The following PTPN1 variants were observed in gnomAD, a reference collection of about 807,000 sequenced individuals.
The protein encoded by PTPN1 is tyrosine-protein phosphatase non-receptor type 1.
Under a neutral mutation model 59.9 loss-of-function variants are expected in PTPN1, and 12 were observed. The ratio of observed to expected loss-of-function variants is 0.20; its 90% confidence interval spans 0.13 to 0.32. The LOEUF (loss-of-function observed/expected upper bound fraction) is 0.32, where lower values mean the gene tolerates loss of function less well. PTPN1 is among the 10% of genes least tolerant of loss of function. The probability of loss-of-function intolerance (pLI) is 1.00; values close to 1 mark genes in which losing one functional copy is unlikely to be tolerated. For synonymous variants in PTPN1, 178 were observed against 203.6 expected (o/e 0.87, Z 1.07); for missense variants, 356 against 549.2 (o/e 0.65, Z 3.52).
chr20:50,554,846 A>G (rs1197206977), intron 1 of PTPN1, among the ~76,000 whole-genome samples: 14 of 152,204 alleles, frequency 9.2e-5, no homozygotes, highest in Admixed American at 2.6e-4. Flanking sequence ...TAGATGCAAA[A>G]AAAGAAAAAC....
intron 3 of PTPN1, among the ~76,000 whole-genome samples, chr20:50,566,005 C>T (rs1385411274): frequency 2.0e-5 from 3 of 152,174 alleles, no homozygotes; most frequent in Non-Finnish European, 4.4e-5. Context: ...CCATTTATGA[C>T]TAAAATCAGC....
chr20:50,537,484 T>C lies in PTPN1; in HGVS notation c.64-23879T>C, dbSNP rs376441198. Among the ~76,000 whole-genome samples, 17 of 152,254 alleles carry C rather than the reference T, an allele frequency of 1.1e-4. No individual in the cohort carries two copies. The East Asian group carries it at 1.5e-3, about 14-fold the overall frequency. On this transcript the variant is annotated intron_variant, in intron 1 of 9. Coordinates refer to ENST00000371621, the MANE Select transcript of PTPN1 (RefSeq NM_002827.4). Reference sequence around the variant, plus strand: ...ACATTGATACAGTCTGCTCATCTTATTCATATTTCCCCAGTGTTACTCGTA... The same window carrying C: ...ACATTGATACAGTCTGCTCATCTTACTCATATTTCCCCAGTGTTACTCGTA...
chr20:50,575,974 G>C (rs1455068056), intron 5 of PTPN1, among the ~76,000 whole-genome samples: 1 of 152,128 alleles, frequency 6.6e-6, no homozygotes, highest in Admixed American at 6.5e-5. Context: ...CTAGAATGTA[G>C]CACAGGTTAC....
At chr20:50,519,093 C>T (rs2082540690) in intron 1 of PTPN1, among the ~76,000 whole-genome samples, 1 of 152,200 alleles carries the variant, frequency 6.6e-6, no homozygotes, top group East Asian at 1.9e-4. Context: ...GGTCTGTTCA[C>T]ACCACAAATA....
intron 1 of PTPN1, among the ~76,000 whole-genome samples, chr20:50,550,951 A>G (rs943451484): frequency 2.0e-5 from 3 of 152,252 alleles, no homozygotes; most frequent in Non-Finnish European, 4.4e-5. Flanking sequence ...TAATATAAAC[A>G]TGGAAATATT....
intron 5 of PTPN1, 133 bp from the exon 6 acceptor site, chr20:50,578,287 C>A (rs2082847028): frequency 3.5e-6 from 3 of 846,462 alleles, no homozygotes; most frequent in Non-Finnish European, 5.7e-6. Context: ...GTGTGTGGAC[C>A]CTGGGAGAAA....
At chr20:50,544,146 A>G (rs755758110) in intron 1 of PTPN1, among the ~76,000 whole-genome samples, 4 of 152,000 alleles carry the variant, frequency 2.6e-5, no homozygotes, top group South Asian at 2.1e-4. Flanking sequence ...GCCTGGACTA[A>G]ATTGTTTCAG....
chr20:50,524,567 G>GTTTTTTTTTTTTTTTTTTTTTTTTTTTT (rs1386022104), intron 1 of PTPN1, among the ~76,000 whole-genome samples: 1 of 64,112 alleles, frequency 1.6e-5, no homozygotes, highest in Non-Finnish European at 3.1e-5. Context: ...CCATTATGTG[G>GTTTTTTTTTTTTTTTTTTTTTTTTTTTT]TCTTTTTTTT....
At chr20:50,521,061 G>C (rs2082549129) in intron 1 of PTPN1, among the ~76,000 whole-genome samples, 1 of 152,040 alleles carries the variant, frequency 6.6e-6, no homozygotes, top group Non-Finnish European at 1.5e-5. Context: ...AAGTGGGACA[G>C]AACTTTAAAA....
Position 50,568,192 on chromosome 20 carries a change from G to T in PTPN1, c.256-188G>T, listed in dbSNP as rs2082788256. Among the ~76,000 whole-genome samples the T allele has an allele frequency of 6.6e-6, 1 of 152,230 alleles. No individual in the cohort carries two copies. Among genetic ancestry groups the T allele is most frequent in the Non-Finnish European group, 1.5e-5 (1 of 68,044 alleles). Reference sequence around the variant, plus strand: ...TGCGGAAATCGCCTTTCGCTGCCTGGTAGAAAATGGAGCTGCAGTTACTGA... The same window carrying T: ...TGCGGAAATCGCCTTTCGCTGCCTGTTAGAAAATGGAGCTGCAGTTACTGA... On this transcript the variant is annotated intron_variant, in intron 3 of 9. Transcript: ENST00000371621. This position sits in a 1 kb window ranked among gnomAD's most constrained non-coding sequence, Gnocchi z 5.6.
At chr20:50,569,764 A>G (rs980975719) in intron 4 of PTPN1, among the ~76,000 whole-genome samples, 17 of 152,264 alleles carry the variant, frequency 1.1e-4, no homozygotes, top group African/African-American at 3.6e-4. Flanking sequence ...GTCTCTGTAG[A>G]CCGTCCTGTG....
rs990474410 is a variant in PTPN1 at position 50,557,520 on chromosome 20, A to G, written c.64-3843A>G. Among the ~76,000 whole-genome samples, 6 of 152,090 alleles carry G rather than the reference A, an allele frequency of 3.9e-5. No individual in the cohort carries two copies. In the East Asian group the frequency reaches 7.7e-4, roughly 20 times the overall value. On this transcript the variant is annotated intron_variant, in intron 1 of 9. Coordinates refer to ENST00000371621, the MANE Select transcript of PTPN1 (RefSeq NM_002827.4). ...CTGCTTCACCGCCCCCATTTTCCCA[A>G]TGTTTTACCTTTTGGTTAAATCAGT...
rs117272438 is a variant in PTPN1 at position 50,566,839 on chromosome 20, G to C, written c.256-1541G>C. 4.6e-5 allele frequency among the ~76,000 whole-genome samples: 7 copies of C among 152,256 alleles called. No homozygotes were observed. In the South Asian group the frequency reaches 1.4e-3, roughly 32 times the overall value. On this transcript the variant is annotated intron_variant, in intron 3 of 9. Transcript: ENST00000371621. ...GGGAGTTAGGGAAGGCATGAAGGGAGTAGTGGAGAGCTGCAGTGACTGGGG... is the reference window on the plus strand; with the variant it reads ...GGGAGTTAGGGAAGGCATGAAGGGACTAGTGGAGAGCTGCAGTGACTGGGG...
chr20:50,571,369 A>G (rs2082807736), intron 4 of PTPN1: 1 of 152,272 alleles, frequency 6.6e-6, no homozygotes, highest in African/African-American at 2.4e-5. Flanking sequence ...TTGGCATGAA[A>G]AGCAATGTAT....
chr20:50,543,932 G>A (rs1469440841), intron 1 of PTPN1, among the ~76,000 whole-genome samples: 5 of 151,792 alleles, frequency 3.3e-5, no homozygotes, highest in East Asian at 1.9e-4. Context: ...TACAACCTCC[G>A]CTTCCTGAGT....
In PTPN1 at chr20:50,579,944, C is replaced by T. The variant is rs761067585; in HGVS notation, c.1088+18C>T. On this transcript the variant is annotated intron_variant, in intron 8 of 9. Transcript: ENST00000371621. ...ATCGAAAGGTAATATGATTGGGTCC[C>T]AGCTTGTTGGGGTGAGGGGAAATGA... 1.9e-6 allele frequency: 3 copies of T among 1,605,906 alleles called. No individual in the cohort carries two copies. The African/African-American group carries it at 4.0e-5, about 22-fold the overall frequency.
chr20:50,525,326 GC>G (rs2082569976), intron 1 of PTPN1, among the ~76,000 whole-genome samples: 3 of 152,236 alleles, frequency 2.0e-5, no homozygotes, highest in African/African-American at 7.2e-5. Context: ...CTCCCAAAGT[GC>G]TGGGATTACA....
chr20:50,554,380 A>ATTCATTCTCTCTCTCTC (rs11481722), intron 1 of PTPN1, among the ~76,000 whole-genome samples: 1 of 140,200 alleles, frequency 7.1e-6, no homozygotes, highest in Non-Finnish European at 1.5e-5. Flanking sequence ...GCAAGACCAC[A>ATTCATTCTCTCTCTCTC]TCTCTCTCTC....
At chr20:50,571,841 T>C (rs2082810410) in intron 4 of PTPN1, 1 of 152,208 alleles carries the variant, frequency 6.6e-6, no homozygotes, top group South Asian at 2.1e-4. Flanking sequence ...GTGAGTTTAA[T>C]TGGCCATTGC....
Sources: allele counts gnomAD v4.1 joint callset (sites outside exome capture counted in the v4.1 genomes callset), GRCh38; gene constraint gnomAD v4.1.1; non-coding constraint Gnocchi (gnomAD v3.1); transcripts MANE v1.5; gene names NCBI Gene and HGNC (gene_info 2026-07-23, HGNC 2026-07-21).